ATP1B1: variants seen among roughly 807,000 people sequenced by gnomAD.
ATP1B1 encodes ATPase Na+/K+ transporting subunit beta 1.
ATP1B1 carries 3 observed loss-of-function variants against 39.6 expected under a neutral mutation model. That is an observed-to-expected ratio of 0.08 (90% CI 0.03 to 0.20). ATP1B1 has a LOEUF of 0.20. ATP1B1 is among the 10% of genes least tolerant of loss of function. ATP1B1 has a pLI of 1.00. For missense variants in ATP1B1, 216 were observed against 371.1 expected (o/e 0.58, Z 3.43); for synonymous variants, 139 against 135.0 (o/e 1.03, Z -0.20).
intron 2 of ATP1B1, among the ~76,000 whole-genome samples, chr1:169,119,473 G>A (rs1306775387): frequency 6.6e-6 from 1 of 152,144 alleles, no homozygotes; most frequent in Admixed American, 6.6e-5. Context: ...TGGCCCTCTG[G>A]GAGTTACCAG....
rs983514101 is a variant in ATP1B1, at chr1:169,110,779, T to C, written c.98-591T>C. 3.3e-5 allele frequency: 31 copies of C among 936,514 alleles called. No homozygotes were observed. In the African/African-American group the frequency reaches 4.6e-4, roughly 14 times the overall value. 58.0% of individuals were successfully genotyped at this position (936,514 alleles called of 1,614,324 possible). On this transcript the variant is annotated intron_variant, in intron 1 of 5. Transcript: ENST00000367815. Reference sequence around the variant, plus strand: ...CTCCGAGGGGAAAGAGTGTGCTTTGTTGATAATACAAACCAAAGGGAGAGT... The same window carrying C: ...CTCCGAGGGGAAAGAGTGTGCTTTGCTGATAATACAAACCAAAGGGAGAGT...
At chr1:169,122,169 A>G (rs1385760625) in intron 2 of ATP1B1, among the ~76,000 whole-genome samples, 1 of 152,096 alleles carries the variant, frequency 6.6e-6, no homozygotes, top group Admixed American at 6.5e-5. Flanking sequence ...CTGGCTGCCT[A>G]TGCACTGGCT....
intron 2 of ATP1B1, among the ~76,000 whole-genome samples, chr1:169,115,134 G>A (rs1168483623): frequency 3.6e-5 from 5 of 138,348 alleles, no homozygotes; most frequent in Non-Finnish European, 7.6e-5. Context: ...GCAGTGAGCC[G>A]AAATTGTGCC....
intron 3 of ATP1B1, 150 bp from the exon 4 acceptor site, chr1:169,127,074 C>T (rs918473649): frequency 1.2e-6 from 1 of 811,800 alleles, no homozygotes; most frequent in Non-Finnish European, 1.8e-6. Context: ...AGATGGTTTT[C>T]CTGGAGATCT....
rs1658217878 is a variant in ATP1B1, at chr1:169,131,460, C to T, written c.817C>T (p.Arg273Cys). The T allele has an allele frequency of 6.2e-7, 1 of 1,614,104 alleles. No homozygotes were observed. The highest frequency in any genetic ancestry group is 8.5e-7 in the Non-Finnish European group (1 of 1,180,036). The change falls in exon 6 of 6, where the codon CGC becomes TGC. Residue 273 changes from arginine to cysteine, a missense_variant. Arg to Cys is a radical substitution (Grantham distance 180, BLOSUM62 -3). Coordinates refer to ENST00000367815, the MANE Select transcript of ATP1B1 (RefSeq NM_001677.4). This position sits in a 1 kb window ranked among gnomAD's most constrained non-coding sequence, Gnocchi z 4.4. ...FTNLTMDTEI[R>C]IECKAYGENI... ...CAATCTTACCATGGACACTGAAATT[C>T]GCATAGAGTGTAAGGCGTACGGTGA...
intron 2 of ATP1B1, among the ~76,000 whole-genome samples, chr1:169,117,487 A>G (rs146035396): frequency 6.6e-6 from 1 of 152,290 alleles, no homozygotes; most frequent in East Asian, 1.9e-4. Flanking sequence ...CAGATCTTAC[A>G]TTGTATGCCC....
chr1:169,107,735 T>C (rs1657631538), intron 1 of ATP1B1, among the ~76,000 whole-genome samples: 1 of 152,104 alleles, frequency 6.6e-6, no homozygotes, highest in Non-Finnish European at 1.5e-5. Context: ...GATTTCTTGT[T>C]TTCAGCCTCT....
chr1:169,114,742 C>T (rs1657804127), intron 2 of ATP1B1, among the ~76,000 whole-genome samples: 1 of 152,138 alleles, frequency 6.6e-6, no homozygotes, highest in African/African-American at 2.4e-5. Context: ...AGTCGTGTTG[C>T]AGCCGGTGTG....
chr1:169,110,567 CTT>C (rs11423213), intron 1 of ATP1B1: 29,505 of 425,544 alleles, frequency 0.069, 26 homozygotes, highest in Non-Finnish European at 0.08. Flanking sequence ...TGTGTTGAGT[CTT>C]TTTTTTTTTT....
chr1:169,128,332 A>G (rs554992466), intron 4 of ATP1B1, among the ~76,000 whole-genome samples: 2 of 152,336 alleles, frequency 1.3e-5, no homozygotes, highest in East Asian at 1.9e-4. Flanking sequence ...TTTGTTCATT[A>G]ATTTTCTATT....
intron 3 of ATP1B1, among the ~76,000 whole-genome samples, chr1:169,126,149 G>T (rs889625786): frequency 6.6e-6 from 1 of 152,164 alleles, no homozygotes; most frequent in African/African-American, 2.4e-5. Context: ...GAAATATTTA[G>T]TAACTTAAAA....
chr1:169,116,380 C>T (rs1464082091), intron 2 of ATP1B1, among the ~76,000 whole-genome samples: 2 of 152,116 alleles, frequency 1.3e-5, no homozygotes, highest in African/African-American at 4.8e-5. Flanking sequence ...GTTTGTTTAG[C>T]TCTGAAGTAT....
chr1:169,130,480 G>C (rs369538403), intron 5 of ATP1B1, among the ~76,000 whole-genome samples: 1 of 152,010 alleles, frequency 6.6e-6, no homozygotes, highest in African/African-American at 2.4e-5. Context: ...AGTGGTTTGG[G>C]CTTCTCTTTT....
chr1:169,108,291 A>G (rs1297394903), intron 1 of ATP1B1: 1 of 152,276 alleles, frequency 6.6e-6, no homozygotes, highest in African/African-American at 2.4e-5. Context: ...AGACTTCTTC[A>G]TTGAGATTAT....
At chr1:169,112,929 A>T (rs1327655775) in intron 2 of ATP1B1, among the ~76,000 whole-genome samples, 2 of 152,206 alleles carry the variant, frequency 1.3e-5, no homozygotes, top group Admixed American at 6.5e-5. Flanking sequence ...GTGATAGGGA[A>T]GCATTGTGTC....
chr1:169,122,857 C>A (rs1406857062), intron 2 of ATP1B1, among the ~76,000 whole-genome samples: 2 of 148,994 alleles, frequency 1.3e-5, no homozygotes, highest in Admixed American at 6.9e-5. Context: ...TCCCAAAGTG[C>A]TGTGATTACA....
chr1:169,112,426 G>C (rs1030903329), intron 2 of ATP1B1, among the ~76,000 whole-genome samples: 1 of 152,200 alleles, frequency 6.6e-6, no homozygotes, highest in Admixed American at 6.5e-5. Flanking sequence ...CATAACTTCC[G>C]GGCTCTCACT....
At chr1:169,119,400 T>C (rs1657924219) in intron 2 of ATP1B1, among the ~76,000 whole-genome samples, 1 of 152,182 alleles carries the variant, frequency 6.6e-6, no homozygotes. Context: ...GGGAAAAGGT[T>C]AGATTTGTTT....
At chr1:169,123,607 ATATCTC>A in intron 2 of ATP1B1, among the ~76,000 whole-genome samples, 1 of 150,102 alleles carries the variant, frequency 6.7e-6, no homozygotes, top group Non-Finnish European at 1.5e-5. Context: ...ATATTTATAT[ATATCTC>A]TATCTATCTA....
Sources: allele counts gnomAD v4.1 joint callset (sites outside exome capture counted in the v4.1 genomes callset), GRCh38; gene constraint gnomAD v4.1.1; non-coding constraint Gnocchi (gnomAD v3.1); transcripts MANE v1.5; gene names NCBI Gene and HGNC (gene_info 2026-07-23, HGNC 2026-07-21).